Variants in MYO3B observed in about 807,000 individuals in gnomAD.
MYO3B encodes the protein myosin IIIB.
A neutral mutation model predicts 174.6 loss-of-function variants in MYO3B; 156 were observed. That is an observed-to-expected ratio of 0.89 (90% confidence interval 0.78 to 1.02). MYO3B has a LOEUF of 1.02. Ranked by LOEUF, MYO3B falls within the 50% of genes least tolerant of loss-of-function variation. The pLI, the probability that MYO3B is intolerant of heterozygous loss-of-function variation, is 0.00. For missense variants in MYO3B, 1,632 were observed against 1,639.4 expected (o/e 1.00, Z 0.08); for synonymous variants, 563 against 569.1 (o/e 0.99, Z 0.15).
At chr2:170,634,059 G>C (rs1559182969) in intron 32 of MYO3B, among the ~76,000 whole-genome samples, 2 of 152,012 alleles carry the variant, frequency 1.3e-5, no homozygotes, top group South Asian at 4.1e-4. Flanking sequence ...ATTTATAGAT[G>C]CAATGCCATC....
intron 2 of MYO3B, 25 bp from the exon 3 acceptor site, chr2:170,200,125 G>A: frequency 6.2e-7 from 1 of 1,604,832 alleles, no homozygotes. Context: ...ATTTAATCCA[G>A]CTTGCATTTT....
Position 170,335,410 on chromosome 2 carries a change from C to T in MYO3B, c.775C>T (p.Pro259Ser). The change falls in exon 8 of 35, where the codon CCA becomes TCA. Residue 259 changes from proline to serine, a missense_variant. By Grantham distance (74) the Pro-to-Ser change is moderately conservative. Transcript: ENST00000408978. Reference sequence around the variant, plus strand: ...AAATCCTCCACCTACTTTACTTCATCCAGAAAAATGGTGTGAAGAATTCAA... The same window carrying T: ...AAATCCTCCACCTACTTTACTTCATTCAGAAAAATGGTGTGAAGAATTCAA... ...PRNPPPTLLH[P>S]EKWCEEFNHF... 3 of 1,611,526 alleles carry T rather than the reference C, an allele frequency of 1.9e-6. No homozygotes were observed. Among genetic ancestry groups the T allele is most frequent in the Non-Finnish European group, 2.5e-6 (3 of 1,178,914 alleles).
At chr2:170,433,010 ATCAC>A (rs1019818429) in intron 22 of MYO3B, among the ~76,000 whole-genome samples, 6 of 152,196 alleles carry the variant, frequency 3.9e-5, no homozygotes, top group African/African-American at 1.2e-4. Flanking sequence ...ACATTCACAC[ATCAC>A]TCACTCACTC....
intron 31 of MYO3B, 30 bp downstream of exon 31, chr2:170,542,996 T>C (rs778603431): frequency 1.9e-6 from 3 of 1,572,300 alleles, no homozygotes; most frequent in Non-Finnish European, 8.7e-7. Flanking sequence ...CCAAAGTAAA[T>C]GTGTATCACT....
At chr2:170,550,097 G>T (rs1297253441) in intron 32 of MYO3B, among the ~76,000 whole-genome samples, 1 of 152,290 alleles carries the variant, frequency 6.6e-6, no homozygotes, top group South Asian at 2.1e-4. Flanking sequence ...TTTATGGGTA[G>T]TCTCTGAGGT....
chr2:170,415,702 T>C (rs1003217987), intron 22 of MYO3B, among the ~76,000 whole-genome samples: 1 of 152,196 alleles, frequency 6.6e-6, no homozygotes, highest in African/African-American at 2.4e-5. Flanking sequence ...GTATCTGTCT[T>C]CCTTCTGGTC....
intron 23 of MYO3B, among the ~76,000 whole-genome samples, chr2:170,459,974 C>T (rs567153470): frequency 1.3e-4 from 20 of 152,220 alleles, no homozygotes; most frequent in Admixed American, 5.2e-4. Flanking sequence ...TCTCAAGGGA[C>T]GCGCAGCCCT....
intron 22 of MYO3B, among the ~76,000 whole-genome samples, chr2:170,425,947 G>C (rs777743997): frequency 6.6e-6 from 1 of 151,880 alleles, no homozygotes; most frequent in Non-Finnish European, 1.5e-5. Context: ...CATTTAGCAT[G>C]GTATGTACAA....
intron 27 of MYO3B, among the ~76,000 whole-genome samples, chr2:170,501,021 G>A (rs2106082666): frequency 6.6e-6 from 1 of 152,252 alleles, no homozygotes; most frequent in East Asian, 1.9e-4. Flanking sequence ...TCCTCATGTG[G>A]CTCAGTCTAT....
At chr2:170,583,857 A>G (rs1423124920) in intron 32 of MYO3B, among the ~76,000 whole-genome samples, 2 of 152,218 alleles carry the variant, frequency 1.3e-5, no homozygotes, top group African/African-American at 4.8e-5. Flanking sequence ...TAAGGAAAAA[A>G]TCTTTTCCAT....
intron 7 of MYO3B, among the ~76,000 whole-genome samples, chr2:170,319,087 A>G (rs1178878109): frequency 6.6e-6 from 1 of 152,226 alleles, no homozygotes; most frequent in African/African-American, 2.4e-5. Context: ...ATCAGCAGTA[A>G]TAATAGCAAA....
intron 22 of MYO3B, among the ~76,000 whole-genome samples, chr2:170,412,990 G>A (rs2094555630): frequency 6.6e-6 from 1 of 152,208 alleles, no homozygotes; most frequent in African/African-American, 2.4e-5. Flanking sequence ...ATGGTGCTAT[G>A]TATAGGTTAT....
At chr2:170,244,130 G>A (rs1000730574) in intron 7 of MYO3B, among the ~76,000 whole-genome samples, 5 of 152,172 alleles carry the variant, frequency 3.3e-5, no homozygotes, top group African/African-American at 1.2e-4. Flanking sequence ...ATCAGTTTTT[G>A]TGGTGGTTTT....
At chr2:170,383,582 C>T (rs1044975728) in intron 11 of MYO3B, 128 bp from the exon 12 acceptor site, 8 of 699,980 alleles carry the variant, frequency 1.1e-5, no homozygotes, top group Non-Finnish European at 1.7e-5. Flanking sequence ...GCTCCAGAAC[C>T]TATACCCTAC....
chr2:170,457,836 C>T lies in MYO3B; in HGVS notation c.2731-5532C>T, dbSNP rs542633296. Among the ~76,000 whole-genome samples the T allele has an allele frequency of 1.9e-3, 287 of 152,184 alleles. 1 individual carries two copies. The highest frequency in any genetic ancestry group is 6.7e-3 in the African/African-American group (279 of 41,514). ...GTGCCATGATCGTGGCTCACTACAA[C>T]CTCTGCCTCCCGGGTTCAAGCAATT... is the stretch of plus-strand genomic sequence containing the variant. On this transcript the variant is annotated intron_variant, in intron 23 of 34. Coordinates refer to ENST00000408978, the MANE Select transcript of MYO3B (RefSeq NM_138995.5).
Position 170,236,044 on chromosome 2 carries a change from C to G in MYO3B, c.657C>G (p.Val219=), listed in dbSNP as rs769444705. The stretch of plus-strand genomic sequence containing the variant: ...CTTCCTATGACGCTCGCTGTGACGT[C>G]TGGTCCTTGGGGATCACAGCTATTG... The part of the protein sequence containing the change: ...YDSSYDARCD[V]WSLGITAIEL... The change falls in exon 7 of 35, where the codon GTC becomes GTG. Residue 219 remains valine (V), a synonymous_variant. Transcript: ENST00000408978. 14 of 1,614,066 alleles carry G rather than the reference C, an allele frequency of 8.7e-6. No homozygotes were observed. Among genetic ancestry groups the G allele is most frequent in the Non-Finnish European group, 1.1e-5 (13 of 1,180,020 alleles).
intron 32 of MYO3B, among the ~76,000 whole-genome samples, chr2:170,600,952 T>TC (rs1694469745): frequency 6.6e-6 from 1 of 152,236 alleles, no homozygotes; most frequent in African/African-American, 2.4e-5. Context: ...TCTTAACTGA[T>TC]CAAGATTTTG....
chr2:170,247,933 G>A (rs904994733), intron 7 of MYO3B, among the ~76,000 whole-genome samples: 1 of 152,128 alleles, frequency 6.6e-6, no homozygotes, highest in Non-Finnish European at 1.5e-5. Context: ...ACTGTGTGGG[G>A]AGTCCCCTCC....
At chr2:170,330,859 C>T (rs967323576) in intron 7 of MYO3B, among the ~76,000 whole-genome samples, 5 of 114,930 alleles carry the variant, frequency 4.4e-5, no homozygotes, top group Admixed American at 7.7e-5. Flanking sequence ...TGCTGATTTC[C>T]GAAAGAGCTG....
Sources: allele counts gnomAD v4.1 joint callset (sites outside exome capture counted in the v4.1 genomes callset), GRCh38; gene constraint gnomAD v4.1.1; transcripts MANE v1.5; gene names NCBI Gene and HGNC (gene_info 2026-07-23, HGNC 2026-07-21).